Variants in BUB1B observed in about 807,000 individuals in gnomAD.
BUB1B encodes the protein BUB1 mitotic checkpoint serine/threonine kinase B.
BUB1B carries 86 observed loss-of-function variants against 137.7 expected under a neutral mutation model. The ratio of observed to expected loss-of-function variants is 0.62; its 90% CI spans 0.52 to 0.75. BUB1B has a LOEUF of 0.75. Ranked by LOEUF, BUB1B falls within the 30% of genes least tolerant of loss-of-function variation. The pLI is 0.00. For synonymous variants in BUB1B, 420 were observed against 417.9 expected, an observed-to-expected ratio of 1.00 and a Z score of -0.06; for missense variants, 1,130 against 1,236.9, an observed-to-expected ratio of 0.91 and a Z score of 1.30.
intron 10 of BUB1B, 66 bp from the exon 11 acceptor site, chr15:40,200,178 T>C: frequency 9.2e-7 from 1 of 1,089,124 alleles, no homozygotes; most frequent in Non-Finnish European, 1.4e-6. Flanking sequence ...AAAGCTAATG[T>C]TAGAACTAGA....
Position 40,217,487 on chromosome 15 carries a change from T to G in BUB1B, c.2679-9T>G, listed in dbSNP as rs1440020122. 2 of 1,613,944 alleles carry G rather than the reference T, an allele frequency of 1.2e-6. No individual in the cohort carries two copies. Among genetic ancestry groups the G allele is most frequent in the Non-Finnish European group, 1.7e-6 (2 of 1,179,848 alleles). ...TTTTATTATCTCCTTCTCTTAAATC[T>G]GGGCTCAGAATCCACGATCCCTATG... On this transcript the variant is annotated splice_polypyrimidine_tract_variant and intron_variant, in intron 20 of 22. Transcript: ENST00000287598.
In BUB1B at chr15:40,213,334, T is replaced by A. The variant is rs372003254; in HGVS notation, c.2538T>A (p.Asp846Glu). ...GTTTTCTGTCCTTCAATTTCCAGGATCTTCTCCAACACAGTGAATATATTA... is the reference window on the plus strand; with the variant it reads ...GTTTTCTGTCCTTCAATTTCCAGGAACTTCTCCAACACAGTGAATATATTA... ...HQYINCFTLQ[D>E]LLQHSEYITH... The change falls in exon 20 of 23, where the codon GAT (aspartate) becomes GAA (glutamate). Residue 846 changes from aspartate (D) to glutamate (E), a missense_variant and splice_region_variant. Transcript: ENST00000287598. 23 of 1,613,668 alleles carry A rather than the reference T, an allele frequency of 1.4e-5. No homozygotes were observed. Among genetic ancestry groups the A allele is most frequent in the Non-Finnish European group, 8.5e-7 (1 of 1,179,906 alleles).
chr15:40,185,314 C>T lies in BUB1B; in HGVS notation c.901C>T (p.Pro301Ser), dbSNP rs1243619358. Reference sequence around the variant, plus strand: ...CCAGCCATGGATAGCACCCCCCATGCCCAGGGCCAAAGAGAATGAGCTGCA... The same window carrying T: ...CCAGCCATGGATAGCACCCCCCATGTCCAGGGCCAAAGAGAATGAGCTGCA... ...TVQPWIAPPM[P>S]RAKENELQAG... The change falls in exon 7 of 23, where the codon CCC (proline) becomes TCC (serine). Residue 301 changes from proline (P) to serine (S), a missense_variant. Transcript: ENST00000287598. The T allele has an allele frequency of 6.2e-7, 1 of 1,614,044 alleles. No homozygotes were observed. The highest frequency in any genetic ancestry group is 1.3e-5 in the African/African-American group (1 of 74,916).
chr15:40,200,826 T>C, intron 11 of BUB1B, 105 bp from the exon 12 acceptor site: 1 of 918,782 alleles, frequency 1.1e-6, no homozygotes, highest in South Asian at 1.5e-5. Context: ...TAATTTATCT[T>C]AGAGTAAATA....
Position 40,216,565 on chromosome 15 carries a change from A to T in BUB1B, c.2679-931A>T, listed in dbSNP as rs1417849799. The stretch of plus-strand genomic sequence containing the variant: ...ATATATACTATATATATATATATAT[A>T]TATATATTTTTTTTTTTTTTTAATT... On this transcript the variant is annotated intron_variant, in intron 20 of 22. Transcript: ENST00000287598. 6.2e-4 allele frequency among the ~76,000 whole-genome samples: 49 copies of T among 78,654 alleles called. No individual in the cohort carries two copies. In the South Asian group the frequency reaches 0.014, roughly 22 times the overall value. 51.6% of individuals were successfully genotyped at this position (78,654 alleles called of 152,430 possible). A position where few individuals can be genotyped will look rare whatever the true frequency, so the allele number is the denominator to read the frequency against.
At chr15:40,197,970 G>A (rs951204978) in intron 9 of BUB1B, among the ~76,000 whole-genome samples, 2 of 152,194 alleles carry the variant, frequency 1.3e-5, no homozygotes, top group East Asian at 3.9e-4. Flanking sequence ...TGTTTCCTAA[G>A]GGAAAAGCTT....
chr15:40,202,279 T>C, intron 12 of BUB1B, 126 bp from the exon 13 acceptor site: 1 of 778,014 alleles, frequency 1.3e-6, no homozygotes, highest in Non-Finnish European at 2.1e-6. Flanking sequence ...TTGAAGCTTT[T>C]TGTTATTAAA....
chr15:40,180,247 G>GTTTTT (rs1566818628), intron 5 of BUB1B, among the ~76,000 whole-genome samples: 6 of 108,844 alleles, frequency 5.5e-5, no homozygotes, highest in African/African-American at 2.2e-4. Flanking sequence ...TCAACGTTTC[G>GTTTTT]TTTCTTTTTT....
At chr15:40,218,241 T>G (rs1300796965) in intron 21 of BUB1B, among the ~76,000 whole-genome samples, 1 of 151,270 alleles carries the variant, frequency 6.6e-6, no homozygotes. Flanking sequence ...TATTTCATCT[T>G]TTGTTCTTAA....
chr15:40,216,571 A>ATATTTT (rs1457484634), intron 20 of BUB1B, among the ~76,000 whole-genome samples: 13 of 83,050 alleles, frequency 1.6e-4, no homozygotes, highest in East Asian at 6.7e-4. Context: ...ATATATATAT[A>ATATTTT]TTTTTTTTTT....
Position 40,217,664 on chromosome 15 carries a change from C to T in BUB1B, c.2847C>T (p.Tyr949=). ...TCCTGGCTAACTGTTCTTCTCCCTACCAGGTAAGTGTAAAACAAGCCTGAG... is the reference window on the plus strand; with the variant it reads ...TCCTGGCTAACTGTTCTTCTCCCTATCAGGTAAGTGTAAAACAAGCCTGAG... The part of the protein sequence containing the change: ...QKILANCSSP[Y]QVDLFGIADL... The change falls in exon 21 of 23, where the codon TAC becomes TAT. Residue 949 remains tyrosine (Y), a synonymous_variant. Transcript: ENST00000287598. 6.2e-7 allele frequency: 1 copy of T among 1,614,144 alleles called. No homozygotes were observed. Among genetic ancestry groups the T allele is most frequent in the Non-Finnish European group, 8.5e-7 (1 of 1,180,012 alleles).
chr15:40,204,087 A>G (rs955222063), intron 14 of BUB1B, among the ~76,000 whole-genome samples: 2 of 152,146 alleles, frequency 1.3e-5, no homozygotes, highest in Non-Finnish European at 2.9e-5. Context: ...TTTCCATGCA[A>G]TTTTTTCCCA....
In BUB1B at chr15:40,221,074, C is replaced by G. The variant is rs1442399516; in HGVS notation, c.*315C>G. On this transcript the variant is annotated 3_prime_UTR_variant, in exon 23 of 23. Transcript: ENST00000287598. ...TCCCATTTGTAATTTGTAAAATGTT[C>G]TCTTATGATCACCATGTATTTTGTA... The G allele has an allele frequency of 5.1e-6, 2 of 390,362 alleles. No individual in the cohort carries two copies. Among genetic ancestry groups the G allele is most frequent in the Non-Finnish European group, 9.4e-6 (2 of 212,662 alleles). 24.2% of individuals were successfully genotyped at this position (390,362 alleles called of 1,614,324 possible).
At chr15:40,165,506 A>G (rs749449041) in intron 2 of BUB1B, among the ~76,000 whole-genome samples, 5 of 152,234 alleles carry the variant, frequency 3.3e-5, no homozygotes, top group Non-Finnish European at 5.9e-5. Context: ...AATGCTTCCC[A>G]AAAGTATTAT....
chr15:40,169,739 A>G (rs1245588957), intron 2 of BUB1B, among the ~76,000 whole-genome samples: 2 of 149,670 alleles, frequency 1.3e-5, no homozygotes, highest in Admixed American at 1.3e-4. Flanking sequence ...CAGCCTCCCG[A>G]GTAGCTGGGA....
In BUB1B at chr15:40,196,882, A is replaced by T. The variant is rs1178265906; in HGVS notation, c.1288+108A>T. On this transcript the variant is annotated intron_variant, in intron 9 of 22. Coordinates refer to ENST00000287598, the MANE Select transcript of BUB1B (RefSeq NM_001211.6). The stretch of plus-strand genomic sequence containing the variant: ...ACCTTATAGTTTGTACCTTTGTATG[A>T]TGTTTCTATGGTAGTACTGTTTCTT... 6.1e-6 allele frequency: 6 copies of T among 981,614 alleles called. No homozygotes were observed. The East Asian group carries it at 1.5e-4, about 25-fold the overall frequency. 60.8% of individuals were successfully genotyped at this position (981,614 alleles called of 1,614,324 possible). A position where few individuals can be genotyped will look rare whatever the true frequency, so the allele number is the denominator to read the frequency against.
intron 14 of BUB1B, among the ~76,000 whole-genome samples, chr15:40,205,932 C>T (rs1442368560): frequency 6.6e-6 from 1 of 152,130 alleles, no homozygotes; most frequent in Non-Finnish European, 1.5e-5. Flanking sequence ...TGCTTTAGTT[C>T]ATAGGTGAAA....
At chr15:40,185,095 G>A in intron 6 of BUB1B, 70 bp from the exon 7 acceptor site, 1 of 1,292,822 alleles carries the variant, frequency 7.7e-7, no homozygotes. Flanking sequence ...GGAAGAATAG[G>A]TATACTTTAT....
intron 14 of BUB1B, among the ~76,000 whole-genome samples, chr15:40,203,028 C>T (rs1388174567): frequency 6.6e-6 from 1 of 152,178 alleles, no homozygotes; most frequent in Non-Finnish European, 1.5e-5. Context: ...ACACAGTTAC[C>T]ATATGATCCT....
Sources: gnomAD v4.1 joint callset for allele counts (sites outside exome capture counted in the v4.1 genomes callset) on GRCh38, gnomAD v4.1.1 for gene constraint, MANE v1.5 for transcripts, NCBI Gene and HGNC (gene_info 2026-07-23, HGNC 2026-07-21) for gene names.